CAMKMT: variants seen among roughly 807,000 people sequenced by gnomAD.
CAMKMT encodes calmodulin-lysine N-methyltransferase, also known as CaM KMT.
In CAMKMT, 53 loss-of-function variants were observed where a neutral mutation model predicts 48.0. The observed-to-expected ratio is 1.10, with a 90% CI of 0.89 to 1.39. The LOEUF is 1.39. CAMKMT is among the 40% of genes most tolerant of loss of function. The probability of loss-of-function intolerance (pLI) is 0.00; values close to 1 mark genes in which losing one functional copy is unlikely to be tolerated. For missense variants in CAMKMT, 428 were observed against 402.7 expected (o/e 1.06, Z -0.54); for synonymous variants, 165 against 152.3 (o/e 1.08, Z -0.61).
intron 3 of CAMKMT, among the ~76,000 whole-genome samples, chr2:44,598,877 T>A (rs1670823364): frequency 1.3e-5 from 2 of 151,452 alleles, no homozygotes; most frequent in African/African-American, 4.9e-5. Flanking sequence ...ATACCAAACC[T>A]CATATTTACA....
chr2:44,486,219 G>T (rs946423362), intron 3 of CAMKMT, among the ~76,000 whole-genome samples: 2 of 152,024 alleles, frequency 1.3e-5, no homozygotes, highest in Non-Finnish European at 2.9e-5. Flanking sequence ...CACCCACCTT[G>T]GCCTCCCAAA....
At chr2:44,742,112 C>G (rs1257909075) in intron 7 of CAMKMT, among the ~76,000 whole-genome samples, 1 of 152,120 alleles carries the variant, frequency 6.6e-6, no homozygotes, top group Non-Finnish European at 1.5e-5. Flanking sequence ...GTGATGAGGG[C>G]TGGGAAGGCC....
rs534253404 is a variant in CAMKMT, at chr2:44,627,823, C to T, written c.377-76460C>T. On this transcript the variant is annotated intron_variant, in intron 3 of 10. Transcript: ENST00000378494. ...CAAGCGATTCTCATTCCTCAGCCTC[C>T]CGAGTAGCTGGGACTACATATGCGT... is the stretch of plus-strand genomic sequence containing the variant. Among the ~76,000 whole-genome samples the T allele has an allele frequency of 6.0e-5, 9 of 149,714 alleles. No homozygotes were observed. The East Asian group carries it at 1.8e-3, about 30-fold the overall frequency.
intron 3 of CAMKMT, among the ~76,000 whole-genome samples, chr2:44,505,533 C>A (rs753893871): frequency 6.6e-6 from 1 of 152,074 alleles, no homozygotes; most frequent in Non-Finnish European, 1.5e-5. Context: ...TACATTAAGT[C>A]TGTGGTCCAG....
chr2:44,589,144 G>GC (rs1178416873), intron 3 of CAMKMT, among the ~76,000 whole-genome samples: 1 of 53,940 alleles, frequency 1.9e-5, no homozygotes, highest in East Asian at 3.1e-4. Context: ...GGGGGGGTCA[G>GC]CCCCCCGCCT....
At chr2:44,540,143 C>T (rs1667016244) in intron 3 of CAMKMT, among the ~76,000 whole-genome samples, 1 of 115,050 alleles carries the variant, frequency 8.7e-6, no homozygotes, top group African/African-American at 3.1e-5. Context: ...TTTTCCCTCT[C>T]TTATATATGT....
chr2:44,626,687 T>A (rs934890242), intron 3 of CAMKMT, among the ~76,000 whole-genome samples: 11 of 152,034 alleles, frequency 7.2e-5, no homozygotes, highest in African/African-American at 2.7e-4. Flanking sequence ...CATGAGAGCT[T>A]CACCCTCATG....
Position 44,638,943 on chromosome 2 carries a change from A to G in CAMKMT, c.377-65340A>G, listed in dbSNP as rs113463351. 1.0e-3 allele frequency among the ~76,000 whole-genome samples: 155 copies of G among 152,270 alleles called. 1 individual carries two copies. The highest frequency in any genetic ancestry group is 3.4e-3 in the African/African-American group (143 of 41,558). Reference sequence around the variant, plus strand: ...AAGACTAAGCCTTCAAGTGGGGAAAAAGATTATTTCTGGGTTGTCTGAACT... The same window carrying G: ...AAGACTAAGCCTTCAAGTGGGGAAAGAGATTATTTCTGGGTTGTCTGAACT... On this transcript the variant is annotated intron_variant, in intron 3 of 10. Coordinates refer to ENST00000378494, the MANE Select transcript of CAMKMT (RefSeq NM_024766.5).
chr2:44,428,494 G>A (rs1403778157), intron 3 of CAMKMT, among the ~76,000 whole-genome samples: 5 of 152,238 alleles, frequency 3.3e-5, no homozygotes, highest in African/African-American at 1.2e-4. Context: ...GGAAAGCGGA[G>A]ATGTGAAGTT....
In CAMKMT at chr2:44,568,388, TA is replaced by T. The variant is rs560934107; in HGVS notation, c.377-135893del. Among the ~76,000 whole-genome samples the T allele has an allele frequency of 2.3e-3, 349 of 152,292 alleles. 1 individual carries two copies. The highest frequency in any genetic ancestry group is 8.0e-3 in the African/African-American group (334 of 41,562). On this transcript the variant is annotated intron_variant, in intron 3 of 10. Coordinates refer to ENST00000378494, the MANE Select transcript of CAMKMT (RefSeq NM_024766.5). ...GTTTCCAGACCCTCCTGAATGAACA[TA>T]ATTTTTCAATCACAGTTGGTAGCTG...
intron 9 of CAMKMT, among the ~76,000 whole-genome samples, chr2:44,765,242 T>C (rs1680788735): frequency 6.6e-6 from 1 of 151,464 alleles, no homozygotes; most frequent in Non-Finnish European, 1.5e-5. Flanking sequence ...AAAAAATGTC[T>C]AAAGGAGATG....
At chr2:44,448,463 T>A (rs965136282) in intron 3 of CAMKMT, among the ~76,000 whole-genome samples, 16 of 152,234 alleles carry the variant, frequency 1.1e-4, no homozygotes, top group African/African-American at 3.9e-4. Context: ...CACCCAGGTA[T>A]AAGATTGCTG....
chr2:44,507,121 T>C (rs1025149507), intron 3 of CAMKMT, among the ~76,000 whole-genome samples: 2 of 151,798 alleles, frequency 1.3e-5, no homozygotes, highest in Admixed American at 1.3e-4. Flanking sequence ...AATAGAAAAA[T>C]TGAAGGCAGT....
At chr2:44,761,569 C>A (rs561729409) in intron 9 of CAMKMT, among the ~76,000 whole-genome samples, 1 of 152,216 alleles carries the variant, frequency 6.6e-6, no homozygotes, top group Non-Finnish European at 1.5e-5. Flanking sequence ...CTTCCTCTGT[C>A]TTGGTCTTCC....
intron 3 of CAMKMT, among the ~76,000 whole-genome samples, chr2:44,529,126 G>A (rs183276868): frequency 1.5e-4 from 23 of 152,182 alleles, no homozygotes; most frequent in African/African-American, 4.8e-4. Flanking sequence ...CCCTTTAACC[G>A]CTAGTTTTCA....
intron 10 of CAMKMT, among the ~76,000 whole-genome samples, chr2:44,769,018 T>C (rs1680986748): frequency 6.6e-6 from 1 of 152,060 alleles, no homozygotes; most frequent in Non-Finnish European, 1.5e-5. Context: ...AATTTTGCCC[T>C]CTGCATTAGT....
At chr2:44,386,108 C>CT (rs1038365765) in intron 2 of CAMKMT, among the ~76,000 whole-genome samples, 1 of 151,698 alleles carries the variant, frequency 6.6e-6, no homozygotes, top group Admixed American at 6.6e-5. Context: ...TGGTCCTGGA[C>CT]TTTTTTTTGT....
At chr2:44,722,176 CTTT>C (rs11323950) in intron 7 of CAMKMT, among the ~76,000 whole-genome samples, 9 of 115,460 alleles carry the variant, frequency 7.8e-5, no homozygotes, top group South Asian at 2.8e-4. Flanking sequence ...TTTCTTTTTT[CTTT>C]TTTTTTTTTT....
At chr2:44,699,721 C>T (rs1558803815) in intron 3 of CAMKMT, among the ~76,000 whole-genome samples, 2 of 152,128 alleles carry the variant, frequency 1.3e-5, no homozygotes, top group African/African-American at 2.4e-5. Context: ...AGCAATCCTC[C>T]TTCCTCGCCC....
Sources: gnomAD v4.1 joint callset for allele counts (sites outside exome capture counted in the v4.1 genomes callset) on GRCh38, gnomAD v4.1.1 for gene constraint, MANE v1.5 for transcripts, NCBI Gene and HGNC (gene_info 2026-07-23, HGNC 2026-07-21) for gene names.